Variants in TARS1 observed in about 807,000 individuals in gnomAD.
The protein encoded by TARS1 is threonyl-tRNA synthetase 1.
A neutral mutation model predicts 97.7 loss-of-function variants in TARS1; 57 were observed. The observed-to-expected ratio is 0.58, with a 90% confidence interval of 0.47 to 0.73. The LOEUF (loss-of-function observed/expected upper bound fraction) is 0.73. Among genes scored for constraint, TARS1 ranks in the 30% least tolerant of loss-of-function variants. TARS1 has a pLI of 0.00. For synonymous variants in TARS1, 312 were observed against 293.7 expected (o/e 1.06, Z -0.64); for missense variants, 806 against 888.3 (o/e 0.91, Z 1.18).
chr5:33,457,435 G>C, intron 9 of TARS1, 32 bp downstream of exon 9: 2 of 1,587,488 alleles, frequency 1.3e-6, no homozygotes, highest in Non-Finnish European at 8.6e-7. Flanking sequence ...TGTCTTGACT[G>C]AGTTTTCTTC....
intron 1 of TARS1, among the ~76,000 whole-genome samples, chr5:33,443,320 C>CCTCTCTCTCTCTCTCTCTCTCTCT (rs769681224): frequency 1.8e-4 from 21 of 118,506 alleles, no homozygotes; most frequent in African/African-American, 5.1e-4. Context: ...TCTCTCTCTC[C>CCTCTCTCTCTCTCTCTCTCTCTCT]CTCTCTCTCT....
chr5:33,458,894 C>G (rs112327269), intron 10 of TARS1, among the ~76,000 whole-genome samples: 3,554 of 152,280 alleles, frequency 0.023, 52 homozygotes, highest in South Asian at 0.081. Context: ...CATAGGAGCT[C>G]TGTGCCCTCT....
upstream of TARS1, chr5:33,440,887 A>C (rs901090290): frequency 6.6e-6 from 4 of 608,698 alleles, no homozygotes; most frequent in South Asian, 2.0e-5. Flanking sequence ...GGCTTAGAGG[A>C]GGGAGGGCCC....
At chr5:33,460,001 T>C in intron 11 of TARS1, 140 bp downstream of exon 11, 3 of 886,802 alleles carry the variant, frequency 3.4e-6, no homozygotes, top group South Asian at 2.1e-5. Flanking sequence ...CTTTGTATTA[T>C]ATCTTCTGCA....
At chr5:33,463,089 A>G (rs891334472) in intron 16 of TARS1, among the ~76,000 whole-genome samples, 2 of 152,222 alleles carry the variant, frequency 1.3e-5, no homozygotes, top group Non-Finnish European at 2.9e-5. Context: ...AAAGTCCATG[A>G]TTAGGGTAGA....
chr5:33,459,399 T>A (rs1261632837), intron 10 of TARS1, among the ~76,000 whole-genome samples: 1 of 152,248 alleles, frequency 6.6e-6, no homozygotes, highest in African/African-American at 2.4e-5. Flanking sequence ...TTTCACTTGC[T>A]ACATATTATT....
chr5:33,444,130 A>G (rs1051589497), intron 1 of TARS1, among the ~76,000 whole-genome samples: 1 of 152,246 alleles, frequency 6.6e-6, no homozygotes, highest in Non-Finnish European at 1.5e-5. Flanking sequence ...TGAAATTATT[A>G]TGCTAACTAA....
chr5:33,462,262 T>C, intron 16 of TARS1, 59 bp downstream of exon 16: 1 of 1,434,792 alleles, frequency 7.0e-7, no homozygotes, highest in Non-Finnish European at 9.7e-7. Context: ...AAGAAATGTC[T>C]ACTTTTCGAT....
intron 1 of TARS1, 42 bp from the exon 2 acceptor site, chr5:33,445,282 G>A: frequency 1.3e-6 from 2 of 1,497,978 alleles, no homozygotes; most frequent in Non-Finnish European, 1.8e-6. Flanking sequence ...GGATGGAGGT[G>A]TCACATTAGA....
chr5:33,457,371 G>T lies in TARS1; in HGVS notation c.952G>T (p.Ala318Ser). 2.5e-6 allele frequency: 4 copies of T among 1,614,078 alleles called. No individual in the cohort carries two copies. The highest frequency in any genetic ancestry group is 3.4e-6 in the Non-Finnish European group (4 of 1,179,988). Residue 318 changes from alanine (A) to serine (S), a missense_variant, in exon 9 of 19, where the codon GCT becomes TCT. By Grantham distance (99) the Ala-to-Ser change is moderately conservative. Transcript: ENST00000265112. The stretch of plus-strand genomic sequence containing the variant: ...AGAGTGGGAGAAGTTCCAAGAGGAA[G>T]CTAAAAACCGAGATCATAGGAAAAT... ...LKEWEKFQEE[A>S]KNRDHRKIGR...
At chr5:33,443,086 T>G (rs962176163) in intron 1 of TARS1, among the ~76,000 whole-genome samples, 2 of 152,178 alleles carry the variant, frequency 1.3e-5, no homozygotes, top group East Asian at 3.8e-4. Context: ...TGTATGTAGA[T>G]GTACATACCA....
intron 4 of TARS1, among the ~76,000 whole-genome samples, chr5:33,453,782 C>T (rs1023178222): frequency 6.6e-6 from 1 of 150,648 alleles, no homozygotes; most frequent in African/African-American, 2.4e-5. Context: ...TGCAGTGGTG[C>T]GCTCTTGCCT....
intron 3 of TARS1, chr5:33,452,369 T>C (rs1451156009): frequency 7.2e-6 from 11 of 1,535,296 alleles, no homozygotes; most frequent in Non-Finnish European, 9.6e-6. Flanking sequence ...AAACCTCTCT[T>C]CACTTGCATC....
chr5:33,467,549 G>A lies in TARS1; in HGVS notation c.2024-11G>A. The stretch of plus-strand genomic sequence containing the variant: ...GATTAAGTCTGACAAAGCTTTGTGT[G>A]TTTGTTTTAGTTGTTGGTGAAAAAG... On this transcript the variant is annotated splice_polypyrimidine_tract_variant and intron_variant, in intron 18 of 18. Coordinates refer to ENST00000265112, the MANE Select transcript of TARS1 (RefSeq NM_152295.5). 3 of 1,607,836 alleles carry A rather than the reference G, an allele frequency of 1.9e-6. No homozygotes were observed. The highest frequency in any genetic ancestry group is 2.5e-6 in the Non-Finnish European group (3 of 1,177,880).
intron 9 of TARS1, among the ~76,000 whole-genome samples, chr5:33,457,958 A>G (rs946095490): frequency 3.9e-5 from 6 of 152,200 alleles, no homozygotes; most frequent in African/African-American, 1.4e-4. Context: ...AGCTGGAGGT[A>G]GCAGCCACTG....
intron 17 of TARS1, 84 bp downstream of exon 17, chr5:33,463,909 A>G: frequency 8.4e-7 from 1 of 1,193,410 alleles, no homozygotes; most frequent in Non-Finnish European, 1.2e-6. Flanking sequence ...TTCTTGGTGA[A>G]TCGAGCTGTT....
In TARS1 at chr5:33,445,169, C is replaced by G. The variant is rs112715860; in HGVS notation, c.58-155C>G. On this transcript the variant is annotated intron_variant, in intron 1 of 18. Coordinates refer to ENST00000265112, the MANE Select transcript of TARS1 (RefSeq NM_152295.5). ...ATTGTAAGTTGTTAACCTGTCTTTG[C>G]CAGTGATGAAATTGTTCAGTCTTTC... Among the ~76,000 whole-genome samples, 544 of 152,204 alleles carry G rather than the reference C, an allele frequency of 3.6e-3. 4 individuals are homozygous for G. The highest frequency in any genetic ancestry group is 0.012 in the African/African-American group (506 of 41,522).
rs746054441 is a variant in TARS1, at chr5:33,456,174, CG to C, written c.788del (p.Gly263ValfsTer13). On this transcript the variant is annotated frameshift_variant, in exon 8 of 19. Transcript: ENST00000265112. LOFTEE classifies it high-confidence loss of function. Reference sequence around the variant, plus strand: ...ATGTGGCCCTTTGATAGATCTCTGCCGGGGTCCTCATGTTAGACACACGGGC... The same window carrying C: ...ATGTGGCCCTTTGATAGATCTCTGCCGGGTCCTCATGTTAGACACACGGGC... ...YRCGPLIDLCRGPHVRHTGKI... is the reference protein window; with the variant it reads ...YRCGPLIDLCXGPHVRHTGKI... 2 of 1,613,688 alleles carry C rather than the reference CG, an allele frequency of 1.2e-6. No individual in the cohort carries two copies. Among genetic ancestry groups the C allele is most frequent in the African/African-American group, 2.7e-5 (2 of 74,836 alleles).
In TARS1 at chr5:33,448,579, G is replaced by A. The variant is rs551425614; in HGVS notation, c.177G>A (p.Glu59=). 4.4e-6 allele frequency: 7 copies of A among 1,609,140 alleles called. No individual in the cohort carries two copies. In the South Asian group the frequency reaches 7.8e-5, roughly 18 times the overall value. The change falls in exon 3 of 19, where the codon GAG becomes GAA. Residue 59 remains glutamate, a synonymous_variant. Coordinates refer to ENST00000265112, the MANE Select transcript of TARS1 (RefSeq NM_152295.5). ...CTGAATATATTTACACACGTCTTGA[G>A]ATGTATAATATACTAAAAGCAGAAC... The part of the protein sequence containing the change: ...PWPEYIYTRL[E]MYNILKAEHD...
Sources: gnomAD v4.1 joint callset for allele counts (sites outside exome capture counted in the v4.1 genomes callset) on GRCh38, gnomAD v4.1.1 for gene constraint, MANE v1.5 for transcripts, NCBI Gene and HGNC (gene_info 2026-07-23, HGNC 2026-07-21) for gene names.